RAB4A: variants seen among roughly 807,000 people sequenced by gnomAD.
RAB4A encodes the protein ras-related protein Rab-4A.
A neutral mutation model predicts 34.5 loss-of-function variants in RAB4A; 20 were observed. The ratio of observed to expected loss-of-function variants is 0.58; its 90% confidence interval spans 0.41 to 0.84. RAB4A has a LOEUF of 0.84. Among genes scored for constraint, RAB4A ranks in the 40% least tolerant of loss-of-function variants. The probability of loss-of-function intolerance (pLI) is 0.00; values close to 1 mark genes in which losing one functional copy is unlikely to be tolerated. For missense variants in RAB4A, 228 were observed against 274.5 expected (o/e 0.83, Z 1.20); for synonymous variants, 102 against 100.0 (o/e 1.02, Z -0.12).
chr1:229,276,687 G>C (rs1007735905), intron 1 of RAB4A, among the ~76,000 whole-genome samples: 4 of 151,368 alleles, frequency 2.6e-5, no homozygotes, highest in African/African-American at 9.8e-5. Flanking sequence ...GGGTTTCAGA[G>C]TCTTTTGAGC....
At chr1:229,288,908 C>A in intron 3 of RAB4A, 65 bp downstream of exon 3, 1 of 982,970 alleles carries the variant, frequency 1.0e-6, no homozygotes, top group Non-Finnish European at 1.6e-6. Flanking sequence ...ATGATATTCT[C>A]TCAATATATA....
chr1:229,286,605 T>G, intron 2 of RAB4A, 39 bp downstream of exon 2: 2 of 1,252,658 alleles, frequency 1.6e-6, no homozygotes, highest in Non-Finnish European at 2.2e-6. Flanking sequence ...CGTGCATGTC[T>G]TCTGAGAGCC....
chr1:229,291,235 G>C (rs1291549227), intron 3 of RAB4A, among the ~76,000 whole-genome samples: 1 of 152,224 alleles, frequency 6.6e-6, no homozygotes, highest in Non-Finnish European at 1.5e-5. Flanking sequence ...AGATGTGCAA[G>C]AAAGAGGAGG....
rs1657482590 is a variant in RAB4A at position 229,303,910 on chromosome 1, G to A, written c.*117G>A. 1 of 152,138 alleles carries A rather than the reference G, an allele frequency of 6.6e-6. No individual in the cohort carries two copies. The highest frequency in any genetic ancestry group is 6.5e-5 in the Admixed American group (1 of 15,278). 9.4% of individuals were successfully genotyped at this position (152,138 alleles called of 1,614,324 possible). On this transcript the variant is annotated 3_prime_UTR_variant, in exon 8 of 8. Transcript: ENST00000366690. ...CTCTGTATGGAAGTAGATCTTTATG[G>A]GGAAAAGAGAATTTGGGGTGTTCTG... is the stretch of plus-strand genomic sequence containing the variant.
intron 3 of RAB4A, 126 bp downstream of exon 3, chr1:229,288,969 C>T (rs1034132879): frequency 2.1e-5 from 14 of 660,192 alleles, no homozygotes; most frequent in Non-Finnish European, 2.9e-5. Context: ...ATCTCAGAAA[C>T]TTCATTTTTG....
intron 3 of RAB4A, among the ~76,000 whole-genome samples, chr1:229,292,314 A>C (rs1268145651): frequency 6.6e-6 from 1 of 152,218 alleles, no homozygotes; most frequent in African/African-American, 2.4e-5. Flanking sequence ...AATTTGTATA[A>C]GAAACTATTT....
chr1:229,289,057 T>C (rs1656995871), intron 3 of RAB4A: 1 of 489,440 alleles, frequency 2.0e-6, no homozygotes, highest in Non-Finnish European at 3.6e-6. Flanking sequence ...CAGGAGGATC[T>C]CCGCGCAACT....
chr1:229,282,151 A>T (rs1019870325), intron 1 of RAB4A, among the ~76,000 whole-genome samples: 15 of 152,016 alleles, frequency 9.9e-5, no homozygotes, highest in African/African-American at 3.6e-4. Context: ...ATTTTTTTTT[A>T]AATCAGAGAA....
intron 4 of RAB4A, among the ~76,000 whole-genome samples, chr1:229,297,023 GA>G (rs1315613815): frequency 6.6e-6 from 1 of 152,206 alleles, no homozygotes; most frequent in African/African-American, 2.4e-5. Flanking sequence ...ATTTCTCAGA[GA>G]AAAGGGGAAT....
intron 3 of RAB4A, among the ~76,000 whole-genome samples, chr1:229,291,402 G>A (rs533099121): frequency 2.0e-5 from 3 of 152,310 alleles, no homozygotes; most frequent in East Asian, 1.9e-4. Flanking sequence ...TAGAGGGACA[G>A]TGAGGGAAGA....
Position 229,305,655 on chromosome 1 carries a change from TAA to T in RAB4A, c.*1863_*1864del, listed in dbSNP as rs1232940446. 1 of 162,920 alleles carries T rather than the reference TAA, an allele frequency of 6.1e-6. No homozygotes were observed. The highest frequency in any genetic ancestry group is 2.4e-5 in the African/African-American group (1 of 42,000). The allele number at this position is 162,920 out of a possible 1,614,324, so 10.1% of individuals were successfully genotyped here. ...CTCTTAATTTAGATTTCTAGGAAAG[TAA>T]TTATTCAGTCTTCCTAGAAAAAGAT... On this transcript the variant is annotated 3_prime_UTR_variant, in exon 8 of 8. Transcript: ENST00000366690.
intron 4 of RAB4A, among the ~76,000 whole-genome samples, chr1:229,296,511 C>T (rs576847795): frequency 4.4e-4 from 67 of 152,360 alleles, no homozygotes; most frequent in Non-Finnish European, 8.2e-4. Context: ...ATTGCACTGG[C>T]CACATTTCAG....
At chr1:229,286,717 G>A (rs1052637921) in intron 2 of RAB4A, 151 bp downstream of exon 2, 15 of 544,306 alleles carry the variant, frequency 2.8e-5, no homozygotes, top group Middle Eastern at 4.6e-4. Context: ...TTTGGGTGAT[G>A]TGATTTTTTA....
At chr1:229,280,525 C>T (rs1255796975) in intron 1 of RAB4A, among the ~76,000 whole-genome samples, 3 of 152,266 alleles carry the variant, frequency 2.0e-5, no homozygotes, top group Non-Finnish European at 1.5e-5. Context: ...GCATAGTAAA[C>T]GTACAGAGTC....
intron 1 of RAB4A, among the ~76,000 whole-genome samples, chr1:229,280,977 G>A (rs111884815): frequency 6.6e-6 from 1 of 152,076 alleles, no homozygotes; most frequent in African/African-American, 2.4e-5. Flanking sequence ...TGTTATTTCC[G>A]AGTAGCATTT....
At chr1:229,286,664 A>C in intron 2 of RAB4A, 98 bp downstream of exon 2, 1 of 712,382 alleles carries the variant, frequency 1.4e-6, no homozygotes, top group South Asian at 2.0e-5. Flanking sequence ...CAGAGGAAAA[A>C]AGTAATAGTT....
chr1:229,280,926 G>C (rs1656762132), intron 1 of RAB4A, among the ~76,000 whole-genome samples: 1 of 152,178 alleles, frequency 6.6e-6, no homozygotes, highest in East Asian at 1.9e-4. Flanking sequence ...ATTCTCTGGA[G>C]ATACATTCCA....
rs1026863967 is a variant in RAB4A at position 229,301,067 on chromosome 1, G to A, written c.542-1795G>A. Among the ~76,000 whole-genome samples the A allele has an allele frequency of 4.6e-5, 7 of 152,122 alleles. No individual in the cohort carries two copies. In the East Asian group the frequency reaches 1.2e-3, roughly 25 times the overall value. On this transcript the variant is annotated intron_variant, in intron 6 of 7. Transcript: ENST00000366690. ...AGCTGAAAAACACACATTGGGATGGGGAATAGAAAGTCAGTGATCATTTTG... is the reference window on the plus strand; with the variant it reads ...AGCTGAAAAACACACATTGGGATGGAGAATAGAAAGTCAGTGATCATTTTG...
chr1:229,283,404 G>C (rs1326604926), intron 1 of RAB4A, among the ~76,000 whole-genome samples: 1 of 152,232 alleles, frequency 6.6e-6, no homozygotes, highest in Non-Finnish European at 1.5e-5. Flanking sequence ...TTCGGCCTTT[G>C]CTGGCATGGG....
Sources: gnomAD v4.1 joint callset for allele counts (sites outside exome capture counted in the v4.1 genomes callset) on GRCh38, gnomAD v4.1.1 for gene constraint, MANE v1.5 for transcripts, NCBI Gene and HGNC (gene_info 2026-07-23, HGNC 2026-07-21) for gene names.